TMEM131: variants seen among roughly 807,000 people sequenced by gnomAD.
TMEM131 encodes 2610524E03Rik.
TMEM131 carries 66 observed loss-of-function variants against 211.6 expected under a neutral mutation model. The observed-to-expected ratio is 0.31, with a 90% CI of 0.26 to 0.38. TMEM131 has a LOEUF of 0.38. Among genes scored for constraint, TMEM131 ranks in the 10% least tolerant of loss-of-function variants. The pLI is 1.00. For missense variants in TMEM131, 2,036 were observed against 2,299.3 expected (o/e 0.89, Z 2.34); for synonymous variants, 844 against 841.3 (o/e 1.00, Z -0.06).
intron 5 of TMEM131, among the ~76,000 whole-genome samples, chr2:97,855,918 A>G (rs1288588604): frequency 2.6e-5 from 4 of 152,190 alleles, no homozygotes; most frequent in Non-Finnish European, 5.9e-5. Flanking sequence ...AATTAAAATA[A>G]TCATTAATAT....
chr2:97,852,623 G>A (rs1017226067), intron 5 of TMEM131, among the ~76,000 whole-genome samples: 1 of 152,260 alleles, frequency 6.6e-6, no homozygotes, highest in Non-Finnish European at 1.5e-5. Context: ...ACATAAAAGT[G>A]CAAGGTGAAG....
intron 8 of TMEM131, among the ~76,000 whole-genome samples, chr2:97,836,093 C>A (rs1341689952): frequency 6.6e-6 from 1 of 152,232 alleles, no homozygotes; most frequent in Non-Finnish European, 1.5e-5. Flanking sequence ...TCAAACACCA[C>A]AATTTCAAGG....
At chr2:97,830,932 T>G (rs1682652289) in intron 11 of TMEM131, among the ~76,000 whole-genome samples, 2 of 152,212 alleles carry the variant, frequency 1.3e-5, no homozygotes, top group Non-Finnish European at 1.5e-5. Flanking sequence ...AATTCTATGT[T>G]TGTGAAACAA....
At chr2:97,846,334 G>C (rs1683429048) in intron 5 of TMEM131, among the ~76,000 whole-genome samples, 1 of 152,032 alleles carries the variant, frequency 6.6e-6, no homozygotes, top group Non-Finnish European at 1.5e-5. Context: ...ATATAAAACG[G>C]GCAACACATC....
chr2:97,784,190 A>G (rs886883416), intron 31 of TMEM131, among the ~76,000 whole-genome samples: 1 of 152,100 alleles, frequency 6.6e-6, no homozygotes, highest in Non-Finnish European at 1.5e-5. Flanking sequence ...AAAAATCAGG[A>G]AAGAACTTAA....
intron 3 of TMEM131, among the ~76,000 whole-genome samples, chr2:97,894,706 T>C (rs1231271249): frequency 6.6e-6 from 1 of 152,178 alleles, no homozygotes; most frequent in East Asian, 1.9e-4. Context: ...ACGCTTGTGA[T>C]TTTTGCACAG....
chr2:97,835,240 G>T (rs749453126), intron 8 of TMEM131, among the ~76,000 whole-genome samples: 1 of 152,166 alleles, frequency 6.6e-6, no homozygotes, highest in Non-Finnish European at 1.5e-5. Flanking sequence ...TACAAAATCA[G>T]TTATTTTTTA....
At chr2:97,950,486 G>A (rs2104529456) in intron 1 of TMEM131, among the ~76,000 whole-genome samples, 2 of 152,046 alleles carry the variant, frequency 1.3e-5, no homozygotes, top group South Asian at 4.2e-4. Flanking sequence ...AGTATGCCAT[G>A]ATCCTAATGT....
chr2:97,856,210 T>C (rs1258715075), intron 5 of TMEM131, among the ~76,000 whole-genome samples: 1 of 152,260 alleles, frequency 6.6e-6, no homozygotes, highest in Admixed American at 6.5e-5. Context: ...TTTTATGGCC[T>C]ATATATAATA....
At chr2:97,934,955 G>A (rs964177707) in intron 1 of TMEM131, among the ~76,000 whole-genome samples, 3 of 151,934 alleles carry the variant, frequency 2.0e-5, no homozygotes, top group Non-Finnish European at 4.4e-5. Context: ...TCTAAGGTTT[G>A]GCAGTGTTCC....
intron 4 of TMEM131, among the ~76,000 whole-genome samples, chr2:97,862,442 T>C (rs1674107766): frequency 6.6e-6 from 1 of 151,766 alleles, no homozygotes; most frequent in Admixed American, 6.6e-5. Flanking sequence ...AGACGGACAA[T>C]TCAAAATGGC....
intron 1 of TMEM131, among the ~76,000 whole-genome samples, chr2:97,961,402 T>C (rs531184125): frequency 1.1e-4 from 17 of 152,264 alleles, no homozygotes; most frequent in African/African-American, 3.9e-4. Context: ...AGATAAATAC[T>C]GTTTAAAGAA....
At chr2:97,797,649 G>T in intron 25 of TMEM131, 133 bp from the exon 26 acceptor site, 1 of 712,850 alleles carries the variant, frequency 1.4e-6, no homozygotes, top group Non-Finnish European at 2.2e-6. Flanking sequence ...TATCTGTCAT[G>T]TTTAGATATG....
chr2:97,827,347 G>C (rs1318379520), intron 11 of TMEM131: 1 of 822,672 alleles, frequency 1.2e-6, no homozygotes, highest in African/African-American at 1.7e-5. Context: ...AAAAGTGGAA[G>C]CAAAGCCGAA....
At chr2:97,777,169 A>G (rs1268424089) in intron 31 of TMEM131, among the ~76,000 whole-genome samples, 2 of 152,246 alleles carry the variant, frequency 1.3e-5, no homozygotes, top group Non-Finnish European at 2.9e-5. Flanking sequence ...CCCAGGTTCT[A>G]GCACCTCAGA....
chr2:97,767,954 T>C (rs923270942), intron 33 of TMEM131, among the ~76,000 whole-genome samples: 12 of 152,190 alleles, frequency 7.9e-5, no homozygotes, highest in African/African-American at 2.9e-4. Flanking sequence ...AACGGCACCA[T>C]AACACCCTCA....
At chr2:97,936,624 A>G (rs1677458866) in intron 1 of TMEM131, among the ~76,000 whole-genome samples, 1 of 152,240 alleles carries the variant, frequency 6.6e-6, no homozygotes, top group Admixed American at 6.5e-5. Flanking sequence ...ACCACAAATA[A>G]TATAGATTTA....
intron 4 of TMEM131, among the ~76,000 whole-genome samples, chr2:97,877,567 CTGA>C (rs1674750227): frequency 1.3e-5 from 2 of 152,192 alleles, no homozygotes; most frequent in African/African-American, 4.8e-5. Context: ...CTACAACCAT[CTGA>C]TGTTTGACAA....
chr2:97,802,969 A>G (rs1681105369), intron 22 of TMEM131, among the ~76,000 whole-genome samples, 179 bp from the exon 23 acceptor site: 1 of 152,208 alleles, frequency 6.6e-6, no homozygotes, highest in Non-Finnish European at 1.5e-5. Context: ...ATATTGGTGC[A>G]AAGAGTTGCC....
Sources: gnomAD v4.1 joint callset for allele counts (sites outside exome capture counted in the v4.1 genomes callset) on GRCh38, gnomAD v4.1.1 for gene constraint, MANE v1.5 for transcripts, NCBI Gene and HGNC (gene_info 2026-07-23, HGNC 2026-07-21) for gene names.